Variants in MAPK6 observed in about 807,000 individuals in gnomAD.
MAPK6 encodes the protein mitogen-activated protein kinase 6, also known as ERK-3.
MAPK6 carries 19 observed loss-of-function variants against 59.3 expected under a neutral mutation model. That is an observed-to-expected ratio of 0.32 (90% confidence interval 0.22 to 0.47). The LOEUF (loss-of-function observed/expected upper bound fraction) is 0.47, where lower values mean the gene tolerates loss of function less well. Among genes scored for constraint, MAPK6 ranks in the 20% least tolerant of loss-of-function variants. The pLI is 1.00. For synonymous variants in MAPK6, 316 were observed against 290.3 expected, an observed-to-expected ratio of 1.09 and a Z score of -0.90; for missense variants, 724 against 847.9, an observed-to-expected ratio of 0.85 and a Z score of 1.81.
At chr15:51,978,569 T>A (rs1054733760) in intron 1 of MAPK6, among the ~76,000 whole-genome samples, 1 of 151,698 alleles carries the variant, frequency 6.6e-6, no homozygotes, top group Non-Finnish European at 1.5e-5. Context: ...TTAAATAGGT[T>A]TAGATCAGTT....
intron 1 of MAPK6, among the ~76,000 whole-genome samples, chr15:52,044,640 A>ATT (rs537632566): frequency 1.3e-3 from 190 of 145,374 alleles, no homozygotes; most frequent in African/African-American, 4.5e-3. Flanking sequence ...ACCAAGTTGC[A>ATT]TTTTTTTTTT....
chr15:52,015,300 C>T (rs2030202789), upstream of MAPK6, among the ~76,000 whole-genome samples: 1 of 151,914 alleles, frequency 6.6e-6, no homozygotes, highest in Admixed American at 6.6e-5. Context: ...CGCACCCAGC[C>T]TACACCTGAC....
At chr15:52,030,717 C>T in intron 1 of MAPK6, among the ~76,000 whole-genome samples, 1 of 148,334 alleles carries the variant, frequency 6.7e-6, no homozygotes, top group Middle Eastern at 3.2e-3. Context: ...ACCTGCGCTT[C>T]CCAGGTTCAA....
chr15:52,025,209 C>T (rs191653715), intron 1 of MAPK6, among the ~76,000 whole-genome samples: 31 of 152,142 alleles, frequency 2.0e-4, no homozygotes, highest in African/African-American at 7.5e-4. Flanking sequence ...CCGCAGCGTT[C>T]CAGCCTGGGC....
rs1166572951 is a variant in MAPK6, at chr15:52,065,705, A to G, written c.*705A>G. 2 of 151,212 alleles carry G rather than the reference A, an allele frequency of 1.3e-5. No individual in the cohort carries two copies. Among genetic ancestry groups the G allele is most frequent in the African/African-American group, 2.4e-5 (1 of 40,964 alleles). 9.4% of individuals were successfully genotyped at this position (151,212 alleles called of 1,614,324 possible). A position where few individuals can be genotyped will look rare whatever the true frequency, so the allele number is the denominator to read the frequency against. ...CAGTATATTTTCTGTATTTAATTAT[A>G]AAAAATTAACTTAGTTTTTAAAATT... On this transcript the variant is annotated 3_prime_UTR_variant, in exon 6 of 6. Coordinates refer to ENST00000261845, the MANE Select transcript of MAPK6 (RefSeq NM_002748.4).
intron 1 of MAPK6, among the ~76,000 whole-genome samples, chr15:51,977,251 C>G (rs761131091): frequency 6.6e-6 from 1 of 151,712 alleles, no homozygotes; most frequent in South Asian, 2.1e-4. Context: ...AATCCATCCA[C>G]CTTGGCCTCA....
chr15:52,023,286 G>A (rs1450225948), intron 1 of MAPK6, among the ~76,000 whole-genome samples: 1 of 152,160 alleles, frequency 6.6e-6, no homozygotes. Context: ...GAAAGAAGAT[G>A]CCTCAGAAGT....
chr15:52,016,778 G>A (rs1162034810), upstream of MAPK6, among the ~76,000 whole-genome samples: 3 of 152,142 alleles, frequency 2.0e-5, no homozygotes, highest in Admixed American at 2.0e-4. Context: ...AGGTGTGGTG[G>A]CTCATGCCTG....
chr15:52,048,173 G>A (rs934184929), intron 2 of MAPK6, among the ~76,000 whole-genome samples: 26 of 152,022 alleles, frequency 1.7e-4, no homozygotes, highest in African/African-American at 5.6e-4. Flanking sequence ...TTTTGAGACT[G>A]AGTTGTGCTC....
At position 52,065,681 on chromosome 15, in the gene MAPK6, A is replaced by G. The variant is rs1431111475; in HGVS notation, c.*681A>G. 2.6e-5 allele frequency: 4 copies of G among 152,682 alleles called. No individual in the cohort carries two copies. The East Asian group carries it at 5.8e-4, about 22-fold the overall frequency. 9.5% of individuals were successfully genotyped at this position (152,682 alleles called of 1,614,324 possible). On this transcript the variant is annotated 3_prime_UTR_variant, in exon 6 of 6. Transcript: ENST00000261845. ...CACATCTTATTTATTTTAGCAAATC[A>G]GTATATTTTCTGTATTTAATTATAA...
intron 1 of MAPK6, among the ~76,000 whole-genome samples, chr15:52,041,861 C>T (rs1197243677): frequency 1.3e-5 from 2 of 152,278 alleles, no homozygotes; most frequent in Non-Finnish European, 2.9e-5. Flanking sequence ...TGTAGCATTC[C>T]TTGGTACCAC....
At chr15:51,996,107 C>A (rs2057223459) in intron 2 of MAPK6, among the ~76,000 whole-genome samples, 1 of 152,154 alleles carries the variant, frequency 6.6e-6, no homozygotes. Context: ...GACAGAGTTG[C>A]TGTATTATCC....
intron 1 of MAPK6, among the ~76,000 whole-genome samples, chr15:52,041,889 C>A (rs1566908004): frequency 6.6e-6 from 1 of 152,178 alleles, no homozygotes; most frequent in Non-Finnish European, 1.5e-5. Flanking sequence ...TTCTTCATTT[C>A]TTTGTTTACT....
chr15:52,026,257 A>C (rs1400513379), intron 1 of MAPK6, among the ~76,000 whole-genome samples: 1 of 152,168 alleles, frequency 6.6e-6, no homozygotes, highest in African/African-American at 2.4e-5. Flanking sequence ...AGGTACCGAA[A>C]CAGTGGTTCT....
intron 1 of MAPK6, among the ~76,000 whole-genome samples, chr15:52,023,983 G>A (rs1309734442): frequency 6.6e-6 from 1 of 152,178 alleles, no homozygotes; most frequent in Admixed American, 6.5e-5. Context: ...ATTGTTCAGA[G>A]ATTGAATGTT....
intron 2 of MAPK6, among the ~76,000 whole-genome samples, chr15:51,993,600 A>G (rs2057216007): frequency 6.6e-6 from 1 of 152,186 alleles, no homozygotes; most frequent in Non-Finnish European, 1.5e-5. Context: ...AGATGGATGT[A>G]GAAATAAATA....
intron 3 of MAPK6, among the ~76,000 whole-genome samples, chr15:52,050,932 G>C (rs1337129806): frequency 6.6e-6 from 1 of 152,162 alleles, no homozygotes; most frequent in East Asian, 1.9e-4. Flanking sequence ...TTAGAAAGTA[G>C]GCAGAGGACT....
Position 52,065,029 on chromosome 15 carries a change from T to A in MAPK6, c.*29T>A. 1 of 1,544,452 alleles carries A rather than the reference T, an allele frequency of 6.5e-7. No homozygotes were observed. The highest frequency in any genetic ancestry group is 8.7e-7 in the Non-Finnish European group (1 of 1,143,648). On this transcript the variant is annotated 3_prime_UTR_variant, in exon 6 of 6. Transcript: ENST00000261845. ...ACTCAGCAGACATTTATCTTTGTAT[T>A]CTTCATGAAATGTGTTTTGTCTTTT... is the stretch of plus-strand genomic sequence containing the variant.
intron 5 of MAPK6, 34 bp downstream of exon 5, chr15:52,061,534 A>G (rs776554045): frequency 1.3e-6 from 2 of 1,516,554 alleles, no homozygotes; most frequent in South Asian, 2.3e-5. Context: ...AATAATATTT[A>G]CTGAACTTTC....
Sources: gnomAD v4.1 joint callset for allele counts (sites outside exome capture counted in the v4.1 genomes callset) on GRCh38, gnomAD v4.1.1 for gene constraint, MANE v1.5 for transcripts, NCBI Gene and HGNC (gene_info 2026-07-23, HGNC 2026-07-21) for gene names.